Variants in CCSER1 observed in about 807,000 individuals in gnomAD.
CCSER1 encodes the protein serine-rich coiled-coil domain-containing protein 1.
CCSER1 carries 41 observed loss-of-function variants against 82.0 expected under a neutral mutation model. That is an observed-to-expected ratio of 0.50 (90% CI 0.39 to 0.65). CCSER1 has a LOEUF of 0.65. Among genes scored for constraint, CCSER1 ranks in the 30% least tolerant of loss-of-function variants. The pLI, the probability that CCSER1 is intolerant of heterozygous loss-of-function variation, is 0.00. For missense variants in CCSER1, 1,119 were observed against 1,064.2 expected (o/e 1.05, Z -0.72); for synonymous variants, 414 against 383.9 (o/e 1.08, Z -0.92).
At chr4:91,492,705 A>C (rs1758613476) in intron 10 of CCSER1, among the ~76,000 whole-genome samples, 1 of 152,064 alleles carries the variant, frequency 6.6e-6, no homozygotes, top group Non-Finnish European at 1.5e-5. Context: ...CTCGGGGGCA[A>C]TTTCTCTCTG....
intron 10 of CCSER1, among the ~76,000 whole-genome samples, chr4:91,477,489 T>A (rs1423599284): frequency 6.6e-6 from 1 of 151,718 alleles, no homozygotes; most frequent in African/African-American, 2.4e-5. Flanking sequence ...ATTTTTTTTA[T>A]TAATACTTCT....
At chr4:90,753,744 A>AT (rs1186717865) in intron 7 of CCSER1, among the ~76,000 whole-genome samples, 5 of 152,110 alleles carry the variant, frequency 3.3e-5, no homozygotes, top group African/African-American at 1.2e-4. Flanking sequence ...CAGTGCCTTC[A>AT]TATCAAACGC....
At chr4:90,772,596 C>A (rs2149572417) in intron 7 of CCSER1, among the ~76,000 whole-genome samples, 1 of 152,066 alleles carries the variant, frequency 6.6e-6, no homozygotes, top group East Asian at 1.9e-4. Context: ...GGAAATGTTT[C>A]CATGCATGGG....
intron 10 of CCSER1, among the ~76,000 whole-genome samples, chr4:91,168,011 G>A (rs111970053): frequency 0.19 from 27,974 of 147,286 alleles, 2,872 homozygotes; most frequent in Non-Finnish European, 0.23. Flanking sequence ...AGTGGGGAGC[G>A]CCTCTGCCCG....
chr4:91,510,867 TTGC>T (rs1759782445), intron 10 of CCSER1, among the ~76,000 whole-genome samples: 2 of 152,200 alleles, frequency 1.3e-5, no homozygotes, highest in African/African-American at 4.8e-5. Context: ...TTTAGAACAA[TTGC>T]TTTTGAGCAA....
At chr4:90,256,355 A>G (rs1723281939) in intron 1 of CCSER1, among the ~76,000 whole-genome samples, 1 of 152,158 alleles carries the variant, frequency 6.6e-6, no homozygotes, top group Non-Finnish European at 1.5e-5. Context: ...TGTGTATGTT[A>G]TCTCATTTAA....
intron 9 of CCSER1, among the ~76,000 whole-genome samples, chr4:90,940,997 A>G (rs886347896): frequency 1.3e-5 from 2 of 152,138 alleles, no homozygotes; most frequent in Non-Finnish European, 2.9e-5. Context: ...ATTGTGTATT[A>G]TGTATACATA....
chr4:91,236,075 C>T (rs1024096202), intron 10 of CCSER1, among the ~76,000 whole-genome samples: 1 of 152,124 alleles, frequency 6.6e-6, no homozygotes, highest in African/African-American at 2.4e-5. Flanking sequence ...GATGCAAGTA[C>T]TCTTCAAGTA....
chr4:91,521,367 T>A (rs1473096308), intron 10 of CCSER1, among the ~76,000 whole-genome samples: 10 of 152,218 alleles, frequency 6.6e-5, no homozygotes, highest in Non-Finnish European at 4.4e-5. Context: ...TATAGTAGCA[T>A]GATTTATAAC....
intron 10 of CCSER1, among the ~76,000 whole-genome samples, chr4:91,086,929 G>T (rs1723451051): frequency 6.6e-6 from 1 of 152,028 alleles, no homozygotes; most frequent in South Asian, 2.1e-4. Context: ...CATAAAGTTG[G>T]TTCACATTGA....
chr4:90,991,033 T>C (rs543758428), intron 9 of CCSER1, among the ~76,000 whole-genome samples: 18 of 151,934 alleles, frequency 1.2e-4, no homozygotes, highest in Non-Finnish European at 1.9e-4. Context: ...TAGGCAGGTG[T>C]TGGGGCCCAG....
intron 10 of CCSER1, among the ~76,000 whole-genome samples, chr4:91,397,928 C>T (rs186376418): frequency 1.4e-4 from 22 of 151,838 alleles, no homozygotes; most frequent in Admixed American, 7.2e-4. Flanking sequence ...GAAATCAGGA[C>T]GGGCATGGGT....
intron 5 of CCSER1, among the ~76,000 whole-genome samples, chr4:90,525,774 G>T (rs1773684907): frequency 6.6e-6 from 1 of 151,936 alleles, no homozygotes; most frequent in Non-Finnish European, 1.5e-5. Flanking sequence ...CAGTAGTTGG[G>T]ATCACAGGCA....
At chr4:90,423,096 A>C (rs964550073) in intron 4 of CCSER1, among the ~76,000 whole-genome samples, 10 of 152,188 alleles carry the variant, frequency 6.6e-5, no homozygotes, top group Non-Finnish European at 1.2e-4. Flanking sequence ...GCCTGCTCCC[A>C]TATGTAGAGC....
intron 8 of CCSER1, among the ~76,000 whole-genome samples, chr4:90,904,690 A>T (rs771329406): frequency 3.0e-4 from 45 of 152,114 alleles, no homozygotes; most frequent in Admixed American, 5.2e-4. Flanking sequence ...GAAAAGTAGC[A>T]TGTTTGCAAC....
intron 5 of CCSER1, among the ~76,000 whole-genome samples, chr4:90,589,122 A>G (rs1782386731): frequency 6.6e-6 from 1 of 152,196 alleles, no homozygotes; most frequent in Non-Finnish European, 1.5e-5. Flanking sequence ...CTACAGATGA[A>G]TTAATTTATA....
Position 91,424,369 on chromosome 4 carries a change from T to C in CCSER1, c.2218-174203T>C, listed in dbSNP as rs1753857969. 3.3e-5 allele frequency among the ~76,000 whole-genome samples: 5 copies of C among 152,158 alleles called. No homozygotes were observed. The South Asian group carries it at 1.0e-3, about 32-fold the overall frequency. ...CTTAGATCTGCGGAATTTGGGTTGG[T>C]TTTTGAAATGCCCTCTCACACTTTA... On this transcript the variant is annotated intron_variant, in intron 10 of 10. Coordinates refer to ENST00000509176, the MANE Select transcript of CCSER1 (RefSeq NM_001145065.2).
Position 90,436,069 on chromosome 4 carries a change from TTA to T in CCSER1, c.1604-32163_1604-32162del, listed in dbSNP as rs1462226983. 3.9e-5 allele frequency among the ~76,000 whole-genome samples: 6 copies of T among 152,168 alleles called. No homozygotes were observed. In the East Asian group the frequency reaches 1.2e-3, roughly 29 times the overall value. Reference sequence around the variant, plus strand: ...CATGATATTATAAATTACTAGAAAATTATGTTTCACTTACATATAAGATAGCT... The same window carrying T: ...CATGATATTATAAATTACTAGAAAATTGTTTCACTTACATATAAGATAGCT... On this transcript the variant is annotated intron_variant, in intron 4 of 10. Coordinates refer to ENST00000509176, the MANE Select transcript of CCSER1 (RefSeq NM_001145065.2).
intron 10 of CCSER1, among the ~76,000 whole-genome samples, chr4:91,550,196 C>A (rs1028635961): frequency 1.3e-5 from 2 of 152,160 alleles, no homozygotes; most frequent in Admixed American, 6.5e-5. Context: ...CCAAACTTTC[C>A]TTTTTCCCTC....
Sources: allele counts gnomAD v4.1 joint callset (sites outside exome capture counted in the v4.1 genomes callset), GRCh38; gene constraint gnomAD v4.1.1; transcripts MANE v1.5; gene names NCBI Gene and HGNC (gene_info 2026-07-23, HGNC 2026-07-21).